Variants in FRMD5 observed in about 807,000 individuals in gnomAD.
FRMD5 encodes the protein FERM domain-containing protein 5.
In FRMD5, 20 loss-of-function variants were observed where a neutral mutation model predicts 69.0. The observed-to-expected ratio is 0.29, with a 90% CI of 0.20 to 0.42. The LOEUF is 0.42. Among genes scored for constraint, FRMD5 ranks in the 10% least tolerant of loss-of-function variants. The probability of loss-of-function intolerance (pLI) is 1.00; values close to 1 mark genes in which losing one functional copy is unlikely to be tolerated. For missense variants in FRMD5, 595 were observed against 708.6 expected (o/e 0.84, Z 1.82); for synonymous variants, 271 against 260.1 (o/e 1.04, Z -0.40).
chr15:44,100,581 A>G (rs1261887797), intron 1 of FRMD5, among the ~76,000 whole-genome samples: 1 of 152,120 alleles, frequency 6.6e-6, no homozygotes, highest in Non-Finnish European at 1.5e-5. Flanking sequence ...TGAACTAAAA[A>G]CCACTTCTAC....
At chr15:44,143,450 G>A (rs2077303364) in intron 1 of FRMD5, among the ~76,000 whole-genome samples, 1 of 151,630 alleles carries the variant, frequency 6.6e-6, no homozygotes. Context: ...TGGGCATATA[G>A]CCAAAAATTT....
At chr15:44,008,154 A>G (rs1273925200) in intron 1 of FRMD5, among the ~76,000 whole-genome samples, 1 of 149,868 alleles carries the variant, frequency 6.7e-6, no homozygotes, top group Non-Finnish European at 1.5e-5. Context: ...GCTGGTCTCA[A>G]ACTCCTGGAC....
At chr15:43,942,700 A>C (rs1330231064) in intron 1 of FRMD5, among the ~76,000 whole-genome samples, 3 of 152,270 alleles carry the variant, frequency 2.0e-5, no homozygotes, top group Non-Finnish European at 2.9e-5. Context: ...ATGAGTCATG[A>C]ATAATTAGGT....
chr15:43,958,194 A>G (rs2090143969), intron 1 of FRMD5, among the ~76,000 whole-genome samples: 2 of 152,234 alleles, frequency 1.3e-5, no homozygotes, highest in Non-Finnish European at 2.9e-5. Flanking sequence ...GACCCAGAAT[A>G]TAAGATAAGC....
chr15:44,184,368 A>G (rs1187966646), intron 1 of FRMD5, among the ~76,000 whole-genome samples: 1 of 152,254 alleles, frequency 6.6e-6, no homozygotes, highest in East Asian at 1.9e-4. Context: ...GTTTTCAGGA[A>G]TCTTTAGGTT....
At chr15:44,091,309 T>C (rs1191897286) in intron 1 of FRMD5, among the ~76,000 whole-genome samples, 1 of 152,150 alleles carries the variant, frequency 6.6e-6, no homozygotes, top group Non-Finnish European at 1.5e-5. Flanking sequence ...ATGATATTAT[T>C]TACATTTTAC....
chr15:44,096,796 A>C (rs2076560009), intron 1 of FRMD5, among the ~76,000 whole-genome samples: 1 of 152,092 alleles, frequency 6.6e-6, no homozygotes, highest in East Asian at 1.9e-4. Flanking sequence ...CACAACCACA[A>C]ATGTGTTCTT....
intron 1 of FRMD5, among the ~76,000 whole-genome samples, chr15:43,933,202 C>T (rs1319232695): frequency 6.6e-6 from 1 of 152,120 alleles, no homozygotes; most frequent in Non-Finnish European, 1.5e-5. Flanking sequence ...GCAGGACAAA[C>T]CCCGAATCTT....
At chr15:43,933,111 G>A (rs1038594617) in intron 1 of FRMD5, among the ~76,000 whole-genome samples, 3 of 152,182 alleles carry the variant, frequency 2.0e-5, no homozygotes, top group African/African-American at 7.2e-5. Flanking sequence ...CCCAGGAGAG[G>A]AGTGAGACAG....
chr15:44,105,961 C>T (rs565616497), intron 1 of FRMD5, among the ~76,000 whole-genome samples: 26 of 152,156 alleles, frequency 1.7e-4, no homozygotes, highest in Non-Finnish European at 3.1e-4. Context: ...TAAGCTAGCA[C>T]GTCCTCCTAT....
intron 1 of FRMD5, among the ~76,000 whole-genome samples, chr15:44,012,110 G>A (rs10851416): frequency 0.9 from 136,913 of 152,194 alleles, 62,167 homozygotes; most frequent in East Asian, 1. Context: ...TAAGGATTCA[G>A]CAGATACTGA....
intron 1 of FRMD5, among the ~76,000 whole-genome samples, chr15:44,010,299 C>T (rs1240855273): frequency 6.6e-6 from 1 of 152,092 alleles, no homozygotes; most frequent in East Asian, 1.9e-4. Context: ...CAGTGAATTA[C>T]CCAGAAACAA....
At chr15:43,892,895 G>A (rs1278502785) in intron 7 of FRMD5, among the ~76,000 whole-genome samples, 5 of 152,186 alleles carry the variant, frequency 3.3e-5, no homozygotes, top group African/African-American at 1.2e-4. Flanking sequence ...TCTGAGGTCA[G>A]GAGTTCGAGA....
At chr15:44,099,533 G>A (rs1025013385) in intron 1 of FRMD5, among the ~76,000 whole-genome samples, 6 of 151,740 alleles carry the variant, frequency 4.0e-5, no homozygotes, top group African/African-American at 7.3e-5. Context: ...TGCAATCATG[G>A]GTTCTGGAGA....
At chr15:43,995,062 T>TGG (rs377365565) in intron 1 of FRMD5, among the ~76,000 whole-genome samples, 5 of 152,280 alleles carry the variant, frequency 3.3e-5, no homozygotes, top group African/African-American at 9.6e-5. Context: ...TCAGCATCTG[T>TGG]GGGGAATTGG....
At position 43,919,782 on chromosome 15, in the gene FRMD5, CCA is replaced by C; in HGVS notation, c.233_234del (p.Val78GlyfsTer51). Reference sequence around the variant, plus strand: ...GAATACTTACATCTCAATTGTTTCACCACAGACTTTGTAAATTCCAGCCAATG... The same window carrying C: ...GAATACTTACATCTCAATTGTTTCACCAGACTTTGTAAATTCCAGCCAATG... ...QRHWLEFTKSVVKQLRSQPPF... is the reference protein window; with the variant it reads ...QRHWLEFTKSXVKQLRSQPPF... On this transcript the variant is annotated frameshift_variant, in exon 3 of 14. Transcript: ENST00000417257. LOFTEE classifies it high-confidence loss of function. 1 of 1,614,040 alleles carries C rather than the reference CCA, an allele frequency of 6.2e-7. No homozygotes were observed. The highest frequency in any genetic ancestry group is 8.5e-7 in the Non-Finnish European group (1 of 1,179,914).
intron 1 of FRMD5, among the ~76,000 whole-genome samples, chr15:44,146,556 T>C (rs1468674702): frequency 6.6e-6 from 1 of 152,212 alleles, no homozygotes; most frequent in Non-Finnish European, 1.5e-5. Flanking sequence ...CTCTAGGTCT[T>C]TGAGGAATTG....
At chr15:44,166,206 T>C (rs537591831) in intron 1 of FRMD5, among the ~76,000 whole-genome samples, 16 of 152,348 alleles carry the variant, frequency 1.1e-4, no homozygotes, top group Non-Finnish European at 2.1e-4. Flanking sequence ...GTTTATTAGC[T>C]AATTGTAATT....
At chr15:43,979,896 G>A (rs1288521125) in intron 1 of FRMD5, among the ~76,000 whole-genome samples, 2 of 152,070 alleles carry the variant, frequency 1.3e-5, no homozygotes, top group Admixed American at 6.6e-5. Context: ...CATAGAAGTC[G>A]GGCGATGCTG....
Sources: allele counts gnomAD v4.1 joint callset (sites outside exome capture counted in the v4.1 genomes callset), GRCh38; gene constraint gnomAD v4.1.1; transcripts MANE v1.5; gene names NCBI Gene and HGNC (gene_info 2026-07-23, HGNC 2026-07-21).